The following CSMD3 variants were observed in gnomAD, a reference collection of about 807,000 sequenced individuals.
CSMD3 encodes CUB and Sushi multiple domains 3.
Under a neutral mutation model 435.2 loss-of-function variants are expected in CSMD3, and 177 were observed. The ratio of observed to expected loss-of-function variants is 0.41; its 90% confidence interval spans 0.36 to 0.46. CSMD3 has a LOEUF of 0.46. Ranked by LOEUF, CSMD3 falls within the 20% of genes least tolerant of loss-of-function variation. The pLI is 0.34. For missense variants in CSMD3, 4,265 were observed against 4,504.6 expected (o/e 0.95, Z 1.52); for synonymous variants, 1,656 against 1,520.5 (o/e 1.09, Z -2.07).
At chr8:112,578,262 T>C (rs1214392668) in intron 23 of CSMD3, among the ~76,000 whole-genome samples, 1 of 151,986 alleles carries the variant, frequency 6.6e-6, no homozygotes, top group Non-Finnish European at 1.5e-5. Context: ...TTCTCAATTA[T>C]ACGAGCTAGT....
chr8:113,030,452 C>T (rs895214009), intron 5 of CSMD3, among the ~76,000 whole-genome samples: 2 of 110,082 alleles, frequency 1.8e-5, no homozygotes, highest in Non-Finnish European at 3.7e-5. Flanking sequence ...AAAAGATAAG[C>T]ATGTAGGCCA....
chr8:112,265,301 GC>G, intron 60 of CSMD3, 109 bp downstream of exon 60: 1 of 593,194 alleles, frequency 1.7e-6, no homozygotes, highest in Non-Finnish European at 2.7e-6. Flanking sequence ...AAAAATAAAT[GC>G]AACCTGGAAC....
chr8:112,707,963 A>C (rs4876488), intron 13 of CSMD3, among the ~76,000 whole-genome samples: 50,495 of 151,926 alleles, frequency 0.33, 9,255 homozygotes, highest in African/African-American at 0.5. Context: ...AGGCTGTAAA[A>C]TTTAAAAAGT....
At chr8:112,518,569 T>C (rs1465182946) in intron 27 of CSMD3, among the ~76,000 whole-genome samples, 2 of 151,910 alleles carry the variant, frequency 1.3e-5, no homozygotes, top group African/African-American at 2.4e-5. Flanking sequence ...TGAGGAATTA[T>C]AGTCTTCCAC....
chr8:113,258,177 T>C (rs550088552), intron 3 of CSMD3, among the ~76,000 whole-genome samples: 1 of 152,230 alleles, frequency 6.6e-6, no homozygotes, highest in Non-Finnish European at 1.5e-5. Context: ...AAAGATTTTC[T>C]GACACAAAAC....
chr8:112,626,279 T>A (rs35860094), intron 22 of CSMD3, among the ~76,000 whole-genome samples: 11,128 of 152,128 alleles, frequency 0.073, 497 homozygotes, highest in East Asian at 0.15. Context: ...TCAAGGCCAG[T>A]TGGTCCCTCA....
At chr8:112,547,098 G>C (rs1400923536) in intron 27 of CSMD3, among the ~76,000 whole-genome samples, 2 of 152,084 alleles carry the variant, frequency 1.3e-5, no homozygotes, top group Non-Finnish European at 2.9e-5. Flanking sequence ...GGGAAGGGGG[G>C]CTCAAATAAA....
intron 2 of CSMD3, among the ~76,000 whole-genome samples, chr8:113,297,635 ATTATG>A (rs2093732629): frequency 6.6e-6 from 1 of 152,110 alleles, no homozygotes; most frequent in Non-Finnish European, 1.5e-5. Context: ...TCATAATAGT[ATTATG>A]TTAAGTATCA....
At chr8:112,697,452 G>A (rs2076283692) in intron 13 of CSMD3, among the ~76,000 whole-genome samples, 1 of 151,954 alleles carries the variant, frequency 6.6e-6, no homozygotes, top group Non-Finnish European at 1.5e-5. Flanking sequence ...GTAGGGACGT[G>A]GATGTTTGCA....
chr8:112,876,648 A>C (rs2081290419), intron 10 of CSMD3, among the ~76,000 whole-genome samples: 1 of 152,004 alleles, frequency 6.6e-6, no homozygotes, highest in Non-Finnish European at 1.5e-5. Context: ...CATGCTAAAA[A>C]CTCTCAATAA....
At chr8:112,277,867 G>T (rs1467069547) in intron 59 of CSMD3, among the ~76,000 whole-genome samples, 1 of 152,110 alleles carries the variant, frequency 6.6e-6, no homozygotes, top group African/African-American at 2.4e-5. Context: ...CACGAGAACA[G>T]TATGGGGGAA....
chr8:113,074,975 T>G (rs2089278446), intron 5 of CSMD3, among the ~76,000 whole-genome samples: 1 of 151,802 alleles, frequency 6.6e-6, no homozygotes, highest in Admixed American at 6.6e-5. Context: ...TTAGTAAAAC[T>G]TATTAATTAT....
intron 38 of CSMD3, among the ~76,000 whole-genome samples, chr8:112,377,214 C>T (rs577852826): frequency 7.4e-4 from 112 of 151,858 alleles, no homozygotes; most frequent in African/African-American, 2.7e-3. Flanking sequence ...TAAGAGACTA[C>T]TATGAACAAT....
chr8:112,336,605 TA>T (rs1307814860), intron 44 of CSMD3, 46 bp downstream of exon 44: 1 of 1,387,668 alleles, frequency 7.2e-7, no homozygotes, highest in East Asian at 2.3e-5. Context: ...AACCTTGTTT[TA>T]CTGTGTATAT....
chr8:112,573,378 T>C, intron 24 of CSMD3, 123 bp downstream of exon 24: 3 of 881,884 alleles, frequency 3.4e-6, no homozygotes, highest in Non-Finnish European at 3.8e-6. Flanking sequence ...AAATTATATA[T>C]GTAGAAAGGA....
chr8:112,977,659 A>G (rs1360308391), intron 6 of CSMD3, among the ~76,000 whole-genome samples: 1 of 152,098 alleles, frequency 6.6e-6, no homozygotes, highest in Non-Finnish European at 1.5e-5. Flanking sequence ...CTAGAAATTC[A>G]GAAGTATTAA....
At chr8:112,289,854 ATG>A (rs1216718226) in intron 56 of CSMD3, among the ~76,000 whole-genome samples, 2 of 152,040 alleles carry the variant, frequency 1.3e-5, no homozygotes, top group African/African-American at 4.8e-5. Context: ...CCACATATAT[ATG>A]TGTATGAGTT....
intron 31 of CSMD3, among the ~76,000 whole-genome samples, chr8:112,481,881 CT>C (rs940580970): frequency 2.0e-5 from 3 of 152,074 alleles, no homozygotes; most frequent in Non-Finnish European, 4.4e-5. Flanking sequence ...CCCTTCATGT[CT>C]TTTTATGTCT....
rs2130835699 is a variant in CSMD3, at chr8:112,314,432, C to G, written c.7546G>C (p.Asp2516His). 6.3e-7 allele frequency: 1 copy of G among 1,596,752 alleles called. No homozygotes were observed. Among genetic ancestry groups the G allele is most frequent in the South Asian group, 1.1e-5 (1 of 90,660 alleles). Reference sequence around the variant, plus strand: ...AATAAATATAACCCTTGGTTACCATCATACACCTGAAGAACATCAAATTCC... The same window carrying G: ...AATAAATATAACCCTTGGTTACCATGATACACCTGAAGAACATCAAATTCC... The part of the protein sequence containing the change: ...EKEFDVLQVY[D>H]GPNIQSPVLI... The change falls in exon 48 of 71, where the codon GAT becomes CAT. Residue 2516 changes from aspartate to histidine, a missense_variant. This residue lies in a region of CSMD3 where 3,255 missense variants were observed against 3,380.2 expected (regional missense o/e 0.96). Transcript: ENST00000297405.
Sources: allele counts gnomAD v4.1 joint callset (sites outside exome capture counted in the v4.1 genomes callset), GRCh38; gene constraint gnomAD v4.1.1; regional missense constraint gnomAD v4.1.1; transcripts MANE v1.5; gene names NCBI Gene and HGNC (gene_info 2026-07-23, HGNC 2026-07-21).